Variants in IL1RAPL1 observed in about 807,000 individuals in gnomAD.
IL1RAPL1 encodes interleukin-1 receptor accessory protein-like 1.
Under a neutral mutation model 48.4 loss-of-function variants are expected in IL1RAPL1, and 3 were observed. The observed-to-expected ratio is 0.06, with a 90% CI of 0.03 to 0.16. The LOEUF is 0.16. Ranked by LOEUF, IL1RAPL1 falls within the 10% of genes least tolerant of loss-of-function variation. The probability of loss-of-function intolerance (pLI) is 1.00; values close to 1 mark genes in which losing one functional copy is unlikely to be tolerated. For synonymous variants in IL1RAPL1, 185 were observed against 187.7 expected (o/e 0.99, Z 0.12); for missense variants, 349 against 530.6 (o/e 0.66, Z 3.36).
chrX:29,089,720 G>A (rs1352761761), intron 2 of IL1RAPL1, among the ~76,000 whole-genome samples: 3 of 64,737 alleles, frequency 4.6e-5, no homozygotes, highest in Non-Finnish European at 2.7e-5. Flanking sequence ...GTCGTCGTTC[G>A]TTTTTCTACA....
chrX:29,005,249 A>C (rs945101387), intron 2 of IL1RAPL1, among the ~76,000 whole-genome samples: 8 of 112,083 alleles, frequency 7.1e-5, no homozygotes, highest in African/African-American at 2.6e-4. Context: ...TTTTTCAAAA[A>C]AATACTGTTG....
intron 6 of IL1RAPL1, among the ~76,000 whole-genome samples, chrX:29,805,515 T>C (rs1930235746): frequency 9.0e-6 from 1 of 111,369 alleles, no homozygotes; most frequent in Non-Finnish European, 1.9e-5. Context: ...ATGCCAGGCC[T>C]GAATGAGTCT....
intron 2 of IL1RAPL1, among the ~76,000 whole-genome samples, chrX:29,169,059 T>C (rs1049350448): frequency 4.6e-5 from 5 of 107,537 alleles, no homozygotes; most frequent in Non-Finnish European, 9.6e-5. Flanking sequence ...ATTTTCTTCA[T>C]TTGTAAATGG....
At chrX:29,228,408 G>T (rs950065115) in intron 2 of IL1RAPL1, among the ~76,000 whole-genome samples, 1 of 100,426 alleles carries the variant, frequency 1.0e-5, no homozygotes, top group Non-Finnish European at 2.0e-5. Flanking sequence ...AGGCTGGAGT[G>T]CAGTGATGCG....
chrX:29,405,524 G>A, intron 5 of IL1RAPL1, among the ~76,000 whole-genome samples: 1 of 98,966 alleles, frequency 1.0e-5, no homozygotes, highest in African/African-American at 4.7e-5. Flanking sequence ...CCGCCACTAG[G>A]CCCAGCTAAT....
In IL1RAPL1 at chrX:29,499,768, T is replaced by C. The variant is rs184369767; in HGVS notation, c.703+100460T>C. ...AATAAACCAGTAGAAATTGAACTTGTCTATTGAATTATAATCTTTGCTGTT... is the reference window on the plus strand; with the variant it reads ...AATAAACCAGTAGAAATTGAACTTGCCTATTGAATTATAATCTTTGCTGTT... On this transcript the variant is annotated intron_variant, in intron 5 of 10. Coordinates refer to ENST00000378993, the MANE Select transcript of IL1RAPL1 (RefSeq NM_014271.4). Among the ~76,000 whole-genome samples the C allele has an allele frequency of 1.7e-3, 185 of 111,515 alleles. 1 individual carries two copies. The highest frequency in any genetic ancestry group is 5.7e-3 in the African/African-American group (174 of 30,731).
chrX:29,824,909 T>G (rs748306721), intron 6 of IL1RAPL1, among the ~76,000 whole-genome samples: 1 of 108,476 alleles, frequency 9.2e-6, no homozygotes, highest in African/African-American at 3.4e-5. Flanking sequence ...AACATGTTTT[T>G]TTTTTTTTTA....
chrX:28,741,235 G>A (rs1166988247), intron 1 of IL1RAPL1, among the ~76,000 whole-genome samples: 2 of 111,495 alleles, frequency 1.8e-5, no homozygotes, highest in Non-Finnish European at 3.8e-5. Flanking sequence ...TAGTCATTCT[G>A]ATGGGTGTGA....
chrX:29,880,135 G>GAAGATGGA (rs1569192256), intron 6 of IL1RAPL1, among the ~76,000 whole-genome samples: 1 of 110,944 alleles, frequency 9.0e-6, no homozygotes, highest in East Asian at 2.8e-4. Context: ...TGATAATGGA[G>GAAGATGGA]AAGATGGAAA....
chrX:29,521,735 C>T (rs984422406), intron 5 of IL1RAPL1, among the ~76,000 whole-genome samples: 3 of 111,828 alleles, frequency 2.7e-5, no homozygotes, highest in Non-Finnish European at 5.6e-5. Context: ...ATTCCACAGT[C>T]CCCAAAGAGT....
At chrX:28,888,266 A>C (rs1922689874) in intron 2 of IL1RAPL1, among the ~76,000 whole-genome samples, 1 of 110,640 alleles carries the variant, frequency 9.0e-6, no homozygotes, top group Admixed American at 9.7e-5. Flanking sequence ...TGGTAAAAAA[A>C]AAAAAACAAA....
chrX:29,580,255 C>T (rs1296803694), intron 5 of IL1RAPL1, among the ~76,000 whole-genome samples: 2 of 110,174 alleles, frequency 1.8e-5, no homozygotes, highest in Non-Finnish European at 3.8e-5. Flanking sequence ...TAACCTAGTG[C>T]TTTAAAAATT....
chrX:29,279,690 C>T (rs780235022), intron 2 of IL1RAPL1, among the ~76,000 whole-genome samples: 1 of 111,544 alleles, frequency 9.0e-6, no homozygotes, highest in Non-Finnish European at 1.9e-5. Flanking sequence ...TTCTTTGGCA[C>T]ATGACGTTGA....
intron 5 of IL1RAPL1, among the ~76,000 whole-genome samples, chrX:29,536,692 CAA>C (rs1362992900): frequency 9.1e-6 from 1 of 109,596 alleles, no homozygotes; most frequent in Non-Finnish European, 1.9e-5. Context: ...AATTTTGAAA[CAA>C]ATTTTATTCA....
chrX:28,599,633 T>A (rs1182911838), intron 1 of IL1RAPL1, among the ~76,000 whole-genome samples: 1 of 110,898 alleles, frequency 9.0e-6, no homozygotes, highest in Non-Finnish European at 1.9e-5. Context: ...TTCATGTGAG[T>A]GAATGAGAAA....
intron 2 of IL1RAPL1, among the ~76,000 whole-genome samples, chrX:29,273,525 T>G (rs1396253503): frequency 8.9e-6 from 1 of 111,830 alleles, no homozygotes; most frequent in Non-Finnish European, 1.9e-5. Context: ...TAAGTGTTCT[T>G]GGTCCACTGG....
At chrX:28,923,232 G>A (rs987158064) in intron 2 of IL1RAPL1, among the ~76,000 whole-genome samples, 21 of 109,476 alleles carry the variant, frequency 1.9e-4, no homozygotes, top group Non-Finnish European at 3.4e-4. Flanking sequence ...GCTGGAGTGC[G>A]ATGGTGCGTT....
At chrX:29,260,240 A>G (rs1373190511) in intron 2 of IL1RAPL1, among the ~76,000 whole-genome samples, 1 of 112,679 alleles carries the variant, frequency 8.9e-6, no homozygotes, top group Non-Finnish European at 1.9e-5. Flanking sequence ...TCAAGAGCTA[A>G]CTGAGGATAA....
chrX:29,228,332 A>AATGTGTGTGTGTGTGTGTGTGTGT (rs777963523), intron 2 of IL1RAPL1, among the ~76,000 whole-genome samples: 18 of 79,561 alleles, frequency 2.3e-4, no homozygotes, highest in Non-Finnish European at 4.3e-4. Context: ...AGTTTTGCCT[A>AATGTGTGTGTGTGTGTGTGTGTGT]GTGTGTGTGT....
Sources: allele counts gnomAD v4.1 joint callset (sites outside exome capture counted in the v4.1 genomes callset), GRCh38; gene constraint gnomAD v4.1.1; transcripts MANE v1.5; gene names NCBI Gene and HGNC (gene_info 2026-07-23, HGNC 2026-07-21).